The following SNX2 variants were observed in gnomAD, a reference collection of about 807,000 sequenced individuals.
SNX2 encodes sorting nexin 2.
SNX2 carries 25 observed loss-of-function variants against 69.9 expected under a neutral mutation model. The observed-to-expected ratio is 0.36, with a 90% CI of 0.26 to 0.50. SNX2 has a LOEUF of 0.50. Ranked by LOEUF, SNX2 falls within the 20% of genes least tolerant of loss-of-function variation. The pLI is 0.97. For synonymous variants in SNX2, 229 were observed against 200.4 expected (o/e 1.14, Z -1.20); for missense variants, 551 against 613.3 (o/e 0.90, Z 1.07).
At chr5:122,793,747 A>G (rs1348529900) in intron 1 of SNX2, among the ~76,000 whole-genome samples, 1 of 150,142 alleles carries the variant, frequency 6.7e-6, no homozygotes, top group East Asian at 2.0e-4. Context: ...CATCTCTACT[A>G]AAAATACAAA....
At chr5:122,783,387 C>T (rs1217228920) in intron 1 of SNX2, among the ~76,000 whole-genome samples, 2 of 151,972 alleles carry the variant, frequency 1.3e-5, no homozygotes, top group East Asian at 3.9e-4. Context: ...TAACTTTAAC[C>T]CATGGTCACA....
Position 122,790,940 on chromosome 5 carries a change from G to C in SNX2, c.109-4326G>C, listed in dbSNP as rs187814576. ...AAGGGGACAACCTTGTCTTGTTCCT[G>C]ATCTTACTGGGGAAGCTTCAAATTT... is the stretch of plus-strand genomic sequence containing the variant. On this transcript the variant is annotated intron_variant, in intron 1 of 14. Transcript: ENST00000379516. Among the ~76,000 whole-genome samples the C allele has an allele frequency of 3.5e-3, 540 of 152,268 alleles. 4 individuals carry two copies. Among genetic ancestry groups the C allele is most frequent in the African/African-American group, 0.012 (499 of 41,544 alleles).
chr5:122,792,572 G>A (rs148545711), intron 1 of SNX2, among the ~76,000 whole-genome samples: 2,240 of 150,800 alleles, frequency 0.015, 22 homozygotes, highest in Non-Finnish European at 0.019. Flanking sequence ...ACCCCAGCCT[G>A]GGCAACAAGA....
At chr5:122,778,653 C>T (rs545073936) in intron 1 of SNX2, among the ~76,000 whole-genome samples, 21 of 152,186 alleles carry the variant, frequency 1.4e-4, no homozygotes, top group Admixed American at 8.5e-4. Flanking sequence ...GGACTACAGG[C>T]GTGCACCACC....
chr5:122,823,864 G>A (rs180905617), intron 11 of SNX2, among the ~76,000 whole-genome samples: 4 of 151,598 alleles, frequency 2.6e-5, no homozygotes, highest in East Asian at 1.9e-4. Flanking sequence ...ACATGCGGCC[G>A]GGGACAGCTT....
intron 11 of SNX2, among the ~76,000 whole-genome samples, chr5:122,821,600 G>A (rs568520722): frequency 1.3e-5 from 2 of 151,972 alleles, no homozygotes; most frequent in South Asian, 2.1e-4. Context: ...GACTACAGGC[G>A]CCCACCATCA....
intron 14 of SNX2, chr5:122,827,928 AGTTT>A (rs1754192334): frequency 6.6e-6 from 2 of 303,394 alleles, no homozygotes; most frequent in Non-Finnish European, 6.0e-6. Context: ...CTGTCTTTCT[AGTTT>A]GTTTTCCTTG....
chr5:122,815,048 C>T (rs537522559), intron 7 of SNX2, among the ~76,000 whole-genome samples: 37 of 152,246 alleles, frequency 2.4e-4, no homozygotes, highest in African/African-American at 8.4e-4. Flanking sequence ...CGCGCCCAGC[C>T]GATAGCAGTT....
chr5:122,817,966 A>G (rs553079050), intron 10 of SNX2, among the ~76,000 whole-genome samples: 19 of 152,274 alleles, frequency 1.2e-4, no homozygotes, highest in Middle Eastern at 6.8e-3. Flanking sequence ...TAAAGAATCC[A>G]ACAATGTAAA....
intron 7 of SNX2, among the ~76,000 whole-genome samples, chr5:122,814,637 G>C (rs1186041231): frequency 6.6e-6 from 1 of 151,968 alleles, no homozygotes; most frequent in Admixed American, 6.6e-5. Flanking sequence ...AAAGGTAGAA[G>C]AAATTACTGA....
chr5:122,795,578 G>A (rs1753358935), intron 2 of SNX2, 195 bp downstream of exon 2: 2 of 458,186 alleles, frequency 4.4e-6, no homozygotes, highest in Admixed American at 3.9e-5. Context: ...CAAAAATGTG[G>A]TTCTTTCTGG....
chr5:122,784,967 A>G (rs1753050603), intron 1 of SNX2, among the ~76,000 whole-genome samples: 1 of 152,204 alleles, frequency 6.6e-6, no homozygotes, highest in South Asian at 2.1e-4. Context: ...GAATTTATCC[A>G]TTCAGTCTCA....
At chr5:122,816,767 G>T in intron 8 of SNX2, 148 bp from the exon 9 acceptor site, 2 of 448,608 alleles carry the variant, frequency 4.5e-6, no homozygotes, top group Non-Finnish European at 4.0e-6. Flanking sequence ...TCTCACTATT[G>T]AAATGTATGA....
Position 122,829,858 on chromosome 5 carries a change from A to T in SNX2, c.*210A>T. ...GCATGTCCTGACCCTCTTTGAATTA[A>T]GTGGACTGTGGCATGACATTCTGCA... On this transcript the variant is annotated 3_prime_UTR_variant, in exon 15 of 15. Transcript: ENST00000379516. The T allele has an allele frequency of 3.5e-6, 2 of 577,958 alleles. No individual in the cohort carries two copies. Among genetic ancestry groups the T allele is most frequent in the East Asian group, 5.9e-5 (2 of 34,182 alleles). 35.8% of individuals were successfully genotyped at this position (577,958 alleles called of 1,614,324 possible).
intron 1 of SNX2, among the ~76,000 whole-genome samples, chr5:122,781,122 T>C (rs917476301): frequency 2.6e-5 from 4 of 152,240 alleles, no homozygotes; most frequent in Non-Finnish European, 4.4e-5. Context: ...AAATAAGTTA[T>C]TTTATGAAGT....
At chr5:122,799,198 T>C (rs1291917971) in intron 2 of SNX2, among the ~76,000 whole-genome samples, 1 of 152,202 alleles carries the variant, frequency 6.6e-6, no homozygotes, top group Non-Finnish European at 1.5e-5. Context: ...CTAATTAATA[T>C]CCAGTAATCT....
intron 5 of SNX2, among the ~76,000 whole-genome samples, chr5:122,802,808 A>G (rs1753545862): frequency 6.6e-6 from 1 of 152,194 alleles, no homozygotes; most frequent in African/African-American, 2.4e-5. Flanking sequence ...GATGAGCAAA[A>G]TAAGTGGCTT....
In SNX2 at chr5:122,803,454, C is replaced by T. The variant is rs771895859; in HGVS notation, c.502-18C>T. The T allele has an allele frequency of 4.4e-6, 7 of 1,586,604 alleles. No homozygotes were observed. Among genetic ancestry groups the T allele is most frequent in the Non-Finnish European group, 4.3e-6 (5 of 1,169,612 alleles). On this transcript the variant is annotated intron_variant, in intron 5 of 14. Coordinates refer to ENST00000379516, the MANE Select transcript of SNX2 (RefSeq NM_003100.4). ...TGCTTGCTATTCAAAATTTGAAACA[C>T]CTCTTCTTCACTTGTAGACATCTCT...
At chr5:122,814,530 A>C (rs558625183) in intron 7 of SNX2, among the ~76,000 whole-genome samples, 1 of 152,330 alleles carries the variant, frequency 6.6e-6, no homozygotes, top group Non-Finnish European at 1.5e-5. Context: ...TGATACTGAT[A>C]AAATAGTCAT....
Sources: gnomAD v4.1 joint callset for allele counts (sites outside exome capture counted in the v4.1 genomes callset) on GRCh38, gnomAD v4.1.1 for gene constraint, MANE v1.5 for transcripts, NCBI Gene and HGNC (gene_info 2026-07-23, HGNC 2026-07-21) for gene names.